The following KCNB2 variants were observed in gnomAD, a reference collection of about 807,000 sequenced individuals.
KCNB2 encodes potassium voltage-gated channel subfamily B member 2.
Under a neutral mutation model 61.5 loss-of-function variants are expected in KCNB2, and 15 were observed. The observed-to-expected ratio is 0.24, with a 90% CI of 0.16 to 0.38. The LOEUF (loss-of-function observed/expected upper bound fraction) is 0.38, where lower values mean the gene tolerates loss of function less well. KCNB2 is among the 10% of genes least tolerant of loss of function. The pLI, the probability that KCNB2 is intolerant of heterozygous loss-of-function variation, is 1.00. For synonymous variants in KCNB2, 457 were observed against 446.0 expected (o/e 1.02, Z -0.31); for missense variants, 828 against 1,125.2 (o/e 0.74, Z 3.78).
intron 2 of KCNB2, among the ~76,000 whole-genome samples, chr8:72,924,203 G>A (rs901179201): frequency 1.3e-5 from 2 of 152,154 alleles, no homozygotes; most frequent in Non-Finnish European, 2.9e-5. Flanking sequence ...TAGAGACCAC[G>A]TCAGCATCAT....
intron 2 of KCNB2, among the ~76,000 whole-genome samples, chr8:72,701,311 A>G (rs1807121418): frequency 1.3e-5 from 2 of 152,246 alleles, no homozygotes; most frequent in African/African-American, 4.8e-5. Flanking sequence ...ACTGTTGGTT[A>G]CACATTTAAA....
intron 2 of KCNB2, among the ~76,000 whole-genome samples, chr8:72,615,543 T>G (rs1805606849): frequency 6.6e-6 from 1 of 152,232 alleles, no homozygotes; most frequent in African/African-American, 2.4e-5. Context: ...TAAACAAACA[T>G]ACAGGTGATT....
chr8:72,913,465 A>T (rs150510516), intron 2 of KCNB2, among the ~76,000 whole-genome samples: 8 of 152,340 alleles, frequency 5.3e-5, no homozygotes, highest in African/African-American at 1.9e-4. Flanking sequence ...TCTCCCTTAT[A>T]GAAATACCAA....
At chr8:72,887,368 G>A (rs1306377064) in intron 2 of KCNB2, among the ~76,000 whole-genome samples, 4 of 152,138 alleles carry the variant, frequency 2.6e-5, no homozygotes, top group Non-Finnish European at 5.9e-5. Flanking sequence ...CACAGAGAGA[G>A]GGAACTTTAC....
At chr8:72,657,053 A>G (rs562513912) in intron 2 of KCNB2, among the ~76,000 whole-genome samples, 1 of 152,252 alleles carries the variant, frequency 6.6e-6, no homozygotes, top group East Asian at 1.9e-4. Flanking sequence ...TCACTTAACT[A>G]AATTACTTTT....
chr8:72,709,553 AAG>A (rs939629958), intron 2 of KCNB2, among the ~76,000 whole-genome samples: 42 of 151,794 alleles, frequency 2.8e-4, no homozygotes, highest in Admixed American at 2.8e-3. Flanking sequence ...CATGGCAAGA[AAG>A]AGAGTGAGAA....
chr8:72,769,223 C>A (rs1037470254), intron 2 of KCNB2, among the ~76,000 whole-genome samples: 7 of 151,844 alleles, frequency 4.6e-5, no homozygotes, highest in African/African-American at 1.7e-4. Flanking sequence ...GTAATATTTT[C>A]ATTGATTAAA....
chr8:72,937,310 T>G lies in KCNB2; in HGVS notation c.1955T>G (p.Leu652Arg), dbSNP rs1806935005. Reference sequence around the variant, plus strand: ...CAAAGAGCTAGGGGCCCCCCGTTTCTAACTCTATCCAGAGAGAAAGGACCT... The same window carrying G: ...CAAAGAGCTAGGGGCCCCCCGTTTCGAACTCTATCCAGAGAGAAAGGACCT... ...EHQRARGPPF[L>R]TLSREKGPAA... The change falls in exon 3 of 3, where the codon CTA (leucine) becomes CGA (arginine). Residue 652 changes from leucine to arginine, a missense_variant. By Grantham distance (102) the Leu-to-Arg change is moderately radical. This residue lies in a region of KCNB2 where 559 missense variants were observed against 588.4 expected (regional missense o/e 0.95). Transcript: ENST00000523207. 2 of 1,613,996 alleles carry G rather than the reference T, an allele frequency of 1.2e-6. No homozygotes were observed. Among genetic ancestry groups the G allele is most frequent in the Non-Finnish European group, 1.7e-6 (2 of 1,180,002 alleles).
chr8:72,621,569 A>T (rs1450788612), intron 2 of KCNB2, among the ~76,000 whole-genome samples: 1 of 152,142 alleles, frequency 6.6e-6, no homozygotes, highest in Admixed American at 6.5e-5. Flanking sequence ...TCGTGGGTAC[A>T]TAGTAGGTGT....
rs566596268 is a variant in KCNB2 at position 72,839,814 on chromosome 8, C to T, written c.580-96121C>T. Among the ~76,000 whole-genome samples the T allele has an allele frequency of 2.0e-5, 3 of 151,868 alleles. No individual in the cohort carries two copies. The East Asian group carries it at 5.8e-4, about 29-fold the overall frequency. On this transcript the variant is annotated intron_variant, in intron 2 of 2. Transcript: ENST00000523207. Reference sequence around the variant, plus strand: ...TTTTTTAGTAGAGACGGGGTTTCACCGTGTTAGCCAGGATGGTCTTGATCT... The same window carrying T: ...TTTTTTAGTAGAGACGGGGTTTCACTGTGTTAGCCAGGATGGTCTTGATCT...
intron 2 of KCNB2, among the ~76,000 whole-genome samples, chr8:72,864,527 T>C (rs1159651754): frequency 6.6e-6 from 1 of 152,184 alleles, no homozygotes; most frequent in African/African-American, 2.4e-5. Flanking sequence ...ATTTATTGCA[T>C]TTCCATTAAG....
intron 2 of KCNB2, among the ~76,000 whole-genome samples, chr8:72,635,051 T>C (rs923108937): frequency 3.3e-5 from 5 of 152,206 alleles, no homozygotes; most frequent in African/African-American, 4.8e-5. Flanking sequence ...GTGGTCTGAA[T>C]GTGTAGTGCA....
intron 2 of KCNB2, among the ~76,000 whole-genome samples, chr8:72,600,998 CA>C (rs773297528): frequency 0.029 from 3,667 of 127,546 alleles, 112 homozygotes; most frequent in African/African-American, 0.085. Flanking sequence ...AAATAAAAGT[CA>C]AAAAAAAAAA....
At chr8:72,633,312 C>G (rs1290462718) in intron 2 of KCNB2, among the ~76,000 whole-genome samples, 1 of 152,116 alleles carries the variant, frequency 6.6e-6, no homozygotes, top group Admixed American at 6.6e-5. Flanking sequence ...TGTCATGCTT[C>G]AGATCTTCTC....
chr8:72,611,672 A>G (rs1033815419), intron 2 of KCNB2, among the ~76,000 whole-genome samples: 2 of 152,182 alleles, frequency 1.3e-5, no homozygotes, highest in Admixed American at 6.5e-5. Flanking sequence ...ACAATGGACT[A>G]TGGAAGGGAT....
intron 2 of KCNB2, among the ~76,000 whole-genome samples, chr8:72,577,220 G>A (rs1162122781): frequency 3.3e-5 from 5 of 152,040 alleles, no homozygotes; most frequent in Admixed American, 6.6e-5. Context: ...CTGTGTCTAC[G>A]GTGGCTGAAG....
chr8:72,642,517 CAG>C (rs1282422204), intron 2 of KCNB2, among the ~76,000 whole-genome samples: 1 of 152,042 alleles, frequency 6.6e-6, no homozygotes, highest in African/African-American at 2.4e-5. Context: ...GAAAGGGACA[CAG>C]TACCTTACAT....
chr8:72,720,232 G>A lies in KCNB2; in HGVS notation c.579+151919G>A, dbSNP rs568032710. ...GTGCTTGGAAGGAGATATATTAGCC[G>A]GTCAGTTTACTGAGACTCAGTTTGG... On this transcript the variant is annotated intron_variant, in intron 2 of 2. Coordinates refer to ENST00000523207, the MANE Select transcript of KCNB2 (RefSeq NM_004770.3). 4.3e-4 allele frequency among the ~76,000 whole-genome samples: 66 copies of A among 152,234 alleles called. No homozygotes were observed. The Middle Eastern group carries it at 0.017, about 39-fold the overall frequency.
chr8:72,592,840 A>G (rs1278531845), intron 2 of KCNB2, among the ~76,000 whole-genome samples: 1 of 152,156 alleles, frequency 6.6e-6, no homozygotes, highest in African/African-American at 2.4e-5. Context: ...TTATAGCAGC[A>G]TAACCTAACC....
Sources: allele counts gnomAD v4.1 joint callset (sites outside exome capture counted in the v4.1 genomes callset), GRCh38; gene constraint gnomAD v4.1.1; regional missense constraint gnomAD v4.1.1; transcripts MANE v1.5; gene names NCBI Gene and HGNC (gene_info 2026-07-23, HGNC 2026-07-21).